Variants in TEX9 observed in about 807,000 individuals in gnomAD.
TEX9 encodes testis-expressed protein 9.
A neutral mutation model predicts 59.6 loss-of-function variants in TEX9; 74 were observed. The ratio of observed to expected loss-of-function variants is 1.24; its 90% CI spans 1.03 to 1.51. TEX9 has a LOEUF of 1.51. Among genes scored for constraint, TEX9 ranks in the 40% most tolerant of loss-of-function variants. The pLI is 0.00. For missense variants in TEX9, 522 were observed against 447.8 expected, an observed-to-expected ratio of 1.17 and a Z score of -1.49; for synonymous variants, 186 against 152.2, an observed-to-expected ratio of 1.22 and a Z score of -1.64.
chr15:56,433,035 A>G (rs978228462), intron 12 of TEX9, among the ~76,000 whole-genome samples: 1 of 152,104 alleles, frequency 6.6e-6, no homozygotes, highest in Admixed American at 6.6e-5. Context: ...AAAGCCAAAA[A>G]CTTCATTCCC....
chr15:56,454,589 T>TA, the TEX9 span, among the ~76,000 whole-genome samples: 18 of 152,162 alleles, frequency 1.2e-4, no homozygotes, highest in Admixed American at 3.9e-4. Context: ...TTTATGATTT[T>TA]CTATTACTGT....
chr15:56,396,858 A>G (rs1403522569), intron 9 of TEX9: 1 of 152,330 alleles, frequency 6.6e-6, no homozygotes, highest in Non-Finnish European at 1.5e-5. Flanking sequence ...GCCATGTGGA[A>G]CTGTGAGTCC....
At chr15:56,439,353 T>C (rs1455937015) in intron 12 of TEX9, among the ~76,000 whole-genome samples, 1 of 152,056 alleles carries the variant, frequency 6.6e-6, no homozygotes, top group Non-Finnish European at 1.5e-5. Flanking sequence ...TATTCAAATT[T>C]AATTCAATAC....
chr15:56,447,011 T>G, downstream of TEX9: 1 of 1,040,552 alleles, frequency 9.6e-7, no homozygotes, highest in Middle Eastern at 2.5e-4. Context: ...CACAGAAAAC[T>G]GAGTAACTGT....
chr15:56,358,077 C>T (rs1367226171), intron 1 of TEX9, among the ~76,000 whole-genome samples: 1 of 152,142 alleles, frequency 6.6e-6, no homozygotes, highest in Non-Finnish European at 1.5e-5. Context: ...GGGGCACTAC[C>T]AGTCTAAATG....
At position 56,265,659 on chromosome 15, in the gene TEX9, G is replaced by T. The variant is rs1047562057; in HGVS notation, c.-107+21381G>T. 1.1e-4 allele frequency among the ~76,000 whole-genome samples: 17 copies of T among 152,050 alleles called. No individual in the cohort carries two copies. The East Asian group carries it at 1.9e-3, about 17-fold the overall frequency. ...GAGATTTTATAAAAATTTCCAAATA[G>T]GATTTTTTTCAGAAATCTTTATTTG... On this transcript the variant is annotated intron_variant, in intron 1 of 5. Coordinates refer to the TEX9 transcript ENST00000560827.
At chr15:56,300,729 G>GAGAGAA (rs2045338122) in intron 1 of TEX9, among the ~76,000 whole-genome samples, 2 of 150,384 alleles carry the variant, frequency 1.3e-5, no homozygotes, top group Admixed American at 1.3e-4. Flanking sequence ...GAGAGAGAGA[G>GAGAGAA]AGAGAGAGAG....
chr15:56,314,556 A>T (rs1488067774), intron 1 of TEX9, among the ~76,000 whole-genome samples: 2 of 149,482 alleles, frequency 1.3e-5, no homozygotes, highest in East Asian at 2.0e-4. Flanking sequence ...TGCTGAGGAG[A>T]GCTTTACTTC....
intron 12 of TEX9, chr15:56,443,421 GA>G: frequency 6.5e-7 from 1 of 1,540,754 alleles, no homozygotes; most frequent in Non-Finnish European, 8.7e-7. Flanking sequence ...TTCCATTTCT[GA>G]AACTTACTTT....
chr15:56,271,146 G>C (rs553857298), intron 1 of TEX9, among the ~76,000 whole-genome samples: 1 of 152,036 alleles, frequency 6.6e-6, no homozygotes, highest in South Asian at 2.1e-4. Flanking sequence ...TATCTTTGTG[G>C]TGGTCTCTGT....
At chr15:56,398,557 C>A (rs1307492140) in intron 9 of TEX9, among the ~76,000 whole-genome samples, 2 of 152,142 alleles carry the variant, frequency 1.3e-5, no homozygotes, top group African/African-American at 4.8e-5. Flanking sequence ...AATCTTGAAA[C>A]CTTGGTTATA....
chr15:56,316,421 C>A (rs1435033545), intron 1 of TEX9, among the ~76,000 whole-genome samples: 1 of 67,736 alleles, frequency 1.5e-5, no homozygotes, highest in African/African-American at 4.8e-5. Flanking sequence ...TGTGAGGCGT[C>A]AGTGTGCCCC....
At chr15:56,404,843 G>A (rs144249431) in intron 9 of TEX9, among the ~76,000 whole-genome samples, 9 of 152,262 alleles carry the variant, frequency 5.9e-5, no homozygotes, top group Middle Eastern at 3.4e-3. Context: ...GGACATAGAT[G>A]AAGCTGGAAA....
chr15:56,281,432 G>A (rs548812230), intron 1 of TEX9, among the ~76,000 whole-genome samples: 1 of 152,350 alleles, frequency 6.6e-6, no homozygotes, highest in South Asian at 2.1e-4. Flanking sequence ...GATTCTCAAA[G>A]GAGCCCGAAC....
At chr15:56,392,582 A>T (rs2048267435) in intron 7 of TEX9, among the ~76,000 whole-genome samples, 1 of 152,162 alleles carries the variant, frequency 6.6e-6, no homozygotes, top group Admixed American at 6.5e-5. Flanking sequence ...GATCCAAACC[A>T]TATCAGTTTA....
intron 1 of TEX9, among the ~76,000 whole-genome samples, chr15:56,261,818 C>G (rs1236766416): frequency 2.0e-5 from 3 of 152,168 alleles, no homozygotes; most frequent in African/African-American, 4.8e-5. Flanking sequence ...ATGTAGGTTA[C>G]AGCCTCTTCC....
chr15:56,317,855 A>T (rs549534274), intron 1 of TEX9, among the ~76,000 whole-genome samples: 2 of 152,154 alleles, frequency 1.3e-5, no homozygotes, highest in South Asian at 2.1e-4. Context: ...AATTTTATTC[A>T]ATTTTTGTTG....
chr15:56,365,481 A>C lies in TEX9; in HGVS notation c.27+4A>C. On this transcript the variant is annotated splice_donor_region_variant and intron_variant, in intron 1 of 12. Coordinates refer to ENST00000352903, the Ensembl canonical transcript of TEX9. ...GGGGCGAAGTCTGTGTCTCACGGTCAGTTCAACTCCAGGCTCCTGGGGAGC... is the reference window on the plus strand; with the variant it reads ...GGGGCGAAGTCTGTGTCTCACGGTCCGTTCAACTCCAGGCTCCTGGGGAGC... 6.2e-7 allele frequency: 1 copy of C among 1,614,138 alleles called. No homozygotes were observed. The highest frequency in any genetic ancestry group is 1.1e-5 in the South Asian group (1 of 91,080).
chr15:56,418,458 A>T (rs1458372121), intron 10 of TEX9, among the ~76,000 whole-genome samples: 2 of 150,934 alleles, frequency 1.3e-5, no homozygotes, highest in African/African-American at 4.9e-5. Flanking sequence ...GCTTAATATG[A>T]AATTCTTGAG....
Sources: gnomAD v4.1 joint callset for allele counts (sites outside exome capture counted in the v4.1 genomes callset) on GRCh38, gnomAD v4.1.1 for gene constraint, MANE v1.5 for transcripts, NCBI Gene and HGNC (gene_info 2026-07-23, HGNC 2026-07-21) for gene names.